Variants in PCDH11Y observed in about 807,000 individuals in gnomAD.
PCDH11Y encodes protocadherin-11 Y-linked.
For missense variants in PCDH11Y, 12 were observed against 224.8 expected (o/e 0.05, Z 6.05); for synonymous variants, 9 against 83.6 (o/e 0.11, Z 4.87).
intron 2 of PCDH11Y, among the ~76,000 whole-genome samples, chrY:5,257,627 A>G (rs2053012936): frequency 9.5e-5 from 3 of 31,544 alleles, no homozygotes; most frequent in Non-Finnish European, 2.3e-4. Flanking sequence ...CTCCCAAAGT[A>G]CTGGGATTTT....
chrY:5,653,417 A>G, intron 4 of PCDH11Y, among the ~76,000 whole-genome samples: 2 of 33,197 alleles, frequency 6.0e-5, no homozygotes, highest in Non-Finnish European at 1.5e-4. Context: ...AAGACCTTAA[A>G]TGACCCGATG....
intron 2 of PCDH11Y, among the ~76,000 whole-genome samples, chrY:5,397,046 C>T (rs2053228150): frequency 3.0e-5 from 1 of 33,068 alleles, no homozygotes; most frequent in Non-Finnish European, 7.4e-5. Flanking sequence ...CATGAGTCAC[C>T]GTGCCCGGCC....
chrY:5,284,400 T>G (rs2124661086), intron 2 of PCDH11Y, among the ~76,000 whole-genome samples: 3 of 31,912 alleles, frequency 9.4e-5, no homozygotes, highest in African/African-American at 3.6e-4. Flanking sequence ...TCTGCAAGCC[T>G]AGGCATCACT....
intron 3 of PCDH11Y, among the ~76,000 whole-genome samples, chrY:5,531,611 G>A: frequency 9.0e-5 from 3 of 33,330 alleles, no homozygotes; most frequent in Non-Finnish European, 2.2e-4. Flanking sequence ...GAGGAAAAAT[G>A]TTATTACAAA....
chrY:5,343,054 C>G, intron 2 of PCDH11Y, among the ~76,000 whole-genome samples: 1 of 32,296 alleles, frequency 3.1e-5, no homozygotes, highest in Non-Finnish European at 7.5e-5. Flanking sequence ...AACATGTCAG[C>G]TTTCCCTTCC....
intron 2 of PCDH11Y, among the ~76,000 whole-genome samples, chrY:5,205,661 AAT>A (rs1404714318): frequency 5.6e-4 from 13 of 23,286 alleles, no homozygotes; most frequent in East Asian, 2.1e-3. Context: ...TGAATATATA[AAT>A]ATATATATAT....
At chrY:5,293,171 C>G (rs2053069807) in intron 2 of PCDH11Y, among the ~76,000 whole-genome samples, 1 of 32,126 alleles carries the variant, frequency 3.1e-5, no homozygotes, top group Non-Finnish European at 7.5e-5. Context: ...ACTCTGTCAC[C>G]CAGGCTGGAG....
chrY:5,125,189 C>G, intron 2 of PCDH11Y, among the ~76,000 whole-genome samples: 1 of 32,986 alleles, frequency 3.0e-5, no homozygotes. Flanking sequence ...TTTGGTAAAG[C>G]TGTTATTTAA....
intron 2 of PCDH11Y, among the ~76,000 whole-genome samples, chrY:5,223,781 G>T (rs1602889039): frequency 3.0e-5 from 1 of 33,130 alleles, no homozygotes; most frequent in East Asian, 7.9e-4. Flanking sequence ...CTGTAAAAGA[G>T]CAATACAGTA....
chrY:5,338,485 G>T, intron 2 of PCDH11Y: 2 of 392,117 alleles, frequency 5.1e-6, no homozygotes, highest in Non-Finnish European at 7.1e-6. Context: ...CAAACACACG[G>T]CTAGGGGTAC....
At chrY:5,402,832 C>G in intron 2 of PCDH11Y, among the ~76,000 whole-genome samples, 1 of 30,656 alleles carries the variant, frequency 3.3e-5, no homozygotes, top group Non-Finnish European at 7.8e-5. Flanking sequence ...AAGGCTGTAT[C>G]AATAAATTCC....
intron 2 of PCDH11Y, among the ~76,000 whole-genome samples, chrY:5,385,719 C>T (rs2053213566): frequency 3.0e-5 from 1 of 33,308 alleles, no homozygotes; most frequent in African/African-American, 1.2e-4. Context: ...GGAGTAAGGT[C>T]GTATCGCATT....
intron 2 of PCDH11Y, among the ~76,000 whole-genome samples, chrY:5,306,287 A>AACAC (rs535976345): frequency 1.1e-4 from 3 of 28,209 alleles, no homozygotes; most frequent in South Asian, 9.5e-4. Context: ...CTGAGCCAAT[A>AACAC]ACACACACAC....
chrY:5,324,019 A>G, intron 2 of PCDH11Y, among the ~76,000 whole-genome samples: 1 of 32,497 alleles, frequency 3.1e-5, no homozygotes, highest in East Asian at 8.0e-4. Flanking sequence ...GCTGAGCTAC[A>G]TTCATCATTT....
chrY:5,085,734 A>G, intron 1 of PCDH11Y, among the ~76,000 whole-genome samples: 1 of 28,394 alleles, frequency 3.5e-5, no homozygotes, highest in Non-Finnish European at 8.3e-5. Flanking sequence ...TCTGATCTGT[A>G]AGATTTACAC....
At chrY:5,113,019 T>A in intron 2 of PCDH11Y, among the ~76,000 whole-genome samples, 1 of 34,856 alleles carries the variant, frequency 2.9e-5, no homozygotes, top group East Asian at 7.4e-4. Flanking sequence ...CACCTGGTTG[T>A]ATTTGATGTA....
chrY:5,339,430 C>A, intron 2 of PCDH11Y, among the ~76,000 whole-genome samples: 1 of 31,961 alleles, frequency 3.1e-5, no homozygotes, highest in Non-Finnish European at 7.5e-5. Context: ...CGGCTCACTG[C>A]AACCTCTGCC....
intron 2 of PCDH11Y, among the ~76,000 whole-genome samples, chrY:5,497,095 G>A (rs2053345694): frequency 3.0e-5 from 1 of 33,429 alleles, no homozygotes; most frequent in African/African-American, 1.2e-4. Flanking sequence ...GAACAGTGCC[G>A]CAATAAACAT....
intron 4 of PCDH11Y, among the ~76,000 whole-genome samples, chrY:5,593,996 T>A: frequency 3.0e-5 from 1 of 33,429 alleles, no homozygotes; most frequent in South Asian, 6.5e-4. Context: ...TGTTTGCATG[T>A]GCCAGCAGCA....
Sources: gnomAD v4.1 joint callset for allele counts (sites outside exome capture counted in the v4.1 genomes callset) on GRCh38, gnomAD v4.1.1 for gene constraint, MANE v1.5 for transcripts, NCBI Gene and HGNC (gene_info 2026-07-23, HGNC 2026-07-21) for gene names.